Variants in BTBD9 observed in about 807,000 individuals in gnomAD.
BTBD9 encodes the protein BTB/POZ domain-containing protein 9.
BTBD9 carries 49 observed loss-of-function variants against 64.3 expected under a neutral mutation model. The ratio of observed to expected loss-of-function variants is 0.76; its 90% CI spans 0.61 to 0.97. The LOEUF is 0.97. Among genes scored for constraint, BTBD9 ranks in the 50% least tolerant of loss-of-function variants. The pLI, the probability that BTBD9 is intolerant of heterozygous loss-of-function variation, is 0.00. For synonymous variants in BTBD9, 260 were observed against 274.7 expected (o/e 0.95, Z 0.53); for missense variants, 598 against 762.1 (o/e 0.78, Z 2.53).
intron 6 of BTBD9, among the ~76,000 whole-genome samples, chr6:38,511,174 A>C (rs1028316196): frequency 6.6e-6 from 1 of 152,094 alleles, no homozygotes; most frequent in African/African-American, 2.4e-5. Context: ...TATGCAGCAC[A>C]TAATTGTTAC....
rs1378197123 is a variant in BTBD9 at position 38,628,365 on chromosome 6, C to T, written c.-28+11435G>A. ...AATACAGTATTTGGACTACAGGTCC[C>T]CACGCTAACATTTGTTAAAATGCTA... On this transcript the variant is annotated intron_variant, in intron 1 of 10. Transcript: ENST00000481247. Among the ~76,000 whole-genome samples, 5 of 152,288 alleles carry T rather than the reference C, an allele frequency of 3.3e-5. 1 individual carries two copies. In the South Asian group the frequency reaches 6.2e-4, roughly 19 times the overall value.
At chr6:38,351,707 G>A (rs1764522112) in intron 6 of BTBD9, among the ~76,000 whole-genome samples, 1 of 151,858 alleles carries the variant, frequency 6.6e-6, no homozygotes, top group Non-Finnish European at 1.5e-5. Context: ...CACCATGTTA[G>A]CCAGTATGGT....
chr6:38,503,746 T>C (rs868729913), intron 6 of BTBD9, among the ~76,000 whole-genome samples: 2 of 152,152 alleles, frequency 1.3e-5, no homozygotes, highest in Non-Finnish European at 2.9e-5. Context: ...ACGCCAACAA[T>C]AATGCACACT....
intron 10 of BTBD9, among the ~76,000 whole-genome samples, chr6:38,188,154 T>C (rs1299851560): frequency 1.3e-5 from 2 of 152,234 alleles, no homozygotes; most frequent in East Asian, 3.8e-4. Flanking sequence ...GCTGTCCGCC[T>C]TCTCCTATTC....
chr6:38,356,336 C>G (rs1196173664), intron 6 of BTBD9, among the ~76,000 whole-genome samples: 1 of 152,054 alleles, frequency 6.6e-6, no homozygotes, highest in Non-Finnish European at 1.5e-5. Context: ...TTATGAAACT[C>G]TTAGTTTTCA....
intron 9 of BTBD9, among the ~76,000 whole-genome samples, chr6:38,203,778 AAG>A (rs1175324492): frequency 6.7e-6 from 1 of 150,066 alleles, no homozygotes; most frequent in Non-Finnish European, 1.5e-5. Flanking sequence ...GAAATGAAGA[AAG>A]GGGGGTGAAT....
chr6:38,525,349 T>A (rs1052991879), intron 6 of BTBD9, among the ~76,000 whole-genome samples: 1 of 152,192 alleles, frequency 6.6e-6, no homozygotes, highest in Non-Finnish European at 1.5e-5. Flanking sequence ...GCCATGTGGA[T>A]CTATGAGTCA....
intron 9 of BTBD9, among the ~76,000 whole-genome samples, chr6:38,233,113 T>A (rs1347930258): frequency 1.3e-5 from 2 of 152,318 alleles, no homozygotes; most frequent in Non-Finnish European, 2.9e-5. Flanking sequence ...TTAGTTTAAA[T>A]CTCATTTTCT....
At chr6:38,198,764 G>A (rs1396502512) in intron 9 of BTBD9, among the ~76,000 whole-genome samples, 1 of 152,120 alleles carries the variant, frequency 6.6e-6, no homozygotes, top group Non-Finnish European at 1.5e-5. Context: ...CCACTAAAAT[G>A]GCACTAAAGA....
At chr6:38,395,398 G>C (rs1018528709) in intron 6 of BTBD9, among the ~76,000 whole-genome samples, 2 of 152,026 alleles carry the variant, frequency 1.3e-5, no homozygotes, top group East Asian at 3.9e-4. Context: ...GATCATACCA[G>C]CTTGTCTCAA....
At chr6:38,465,695 TAAATAAATAAATTATATATATATATA>T (rs1464572892) in intron 6 of BTBD9, among the ~76,000 whole-genome samples, 2 of 106,142 alleles carry the variant, frequency 1.9e-5, no homozygotes, top group African/African-American at 7.9e-5. Context: ...TCTAAATAAA[TAAATAAATAAATTATATATATATATA>T]TATATATATA....
intron 6 of BTBD9, among the ~76,000 whole-genome samples, chr6:38,454,283 T>C (rs917417007): frequency 1.3e-4 from 20 of 152,196 alleles, no homozygotes; most frequent in South Asian, 1.0e-3. Flanking sequence ...TATATTATTA[T>C]ACACCTTATT....
intron 10 of BTBD9, among the ~76,000 whole-genome samples, chr6:38,191,002 T>C (rs1252329152): frequency 6.6e-6 from 1 of 152,210 alleles, no homozygotes; most frequent in African/African-American, 2.4e-5. Flanking sequence ...AAGCAAGAAC[T>C]GCAAATGAAA....
chr6:38,195,116 T>C (rs1239794484), intron 9 of BTBD9, among the ~76,000 whole-genome samples: 1 of 152,166 alleles, frequency 6.6e-6, no homozygotes, highest in Non-Finnish European at 1.5e-5. Context: ...CCCCATCAGA[T>C]TCCATTTCCC....
At chr6:38,557,783 A>AG (rs5875632) in intron 6 of BTBD9, among the ~76,000 whole-genome samples, 27,353 of 152,134 alleles carry the variant, frequency 0.18, 2,502 homozygotes, top group Middle Eastern at 0.25. Flanking sequence ...CTTACAAATA[A>AG]GGGGGGTAAA....
intron 6 of BTBD9, among the ~76,000 whole-genome samples, chr6:38,576,217 T>G (rs1776025649): frequency 6.6e-6 from 1 of 152,118 alleles, no homozygotes; most frequent in Non-Finnish European, 1.5e-5. Flanking sequence ...AATCTCCTCC[T>G]CTATGTGGGG....
At chr6:38,251,485 G>A (rs1273235929) in intron 9 of BTBD9, among the ~76,000 whole-genome samples, 4 of 151,980 alleles carry the variant, frequency 2.6e-5, no homozygotes, top group East Asian at 3.9e-4. Flanking sequence ...GGTTGGTCTC[G>A]AACTCCTGAC....
intron 1 of BTBD9, among the ~76,000 whole-genome samples, chr6:38,605,050 T>C (rs1373771339): frequency 6.6e-6 from 1 of 150,638 alleles, no homozygotes; most frequent in Non-Finnish European, 1.5e-5. Context: ...CTTTGCTAAT[T>C]CTTTTTTTTT....
intron 8 of BTBD9, among the ~76,000 whole-genome samples, chr6:38,263,778 G>C (rs1764873690): frequency 6.6e-6 from 1 of 152,176 alleles, no homozygotes; most frequent in Non-Finnish European, 1.5e-5. Flanking sequence ...TTCTCCTCTA[G>C]TATTCCGTGA....
Sources: gnomAD v4.1 joint callset for allele counts (sites outside exome capture counted in the v4.1 genomes callset) on GRCh38, gnomAD v4.1.1 for gene constraint, MANE v1.5 for transcripts, NCBI Gene and HGNC (gene_info 2026-07-23, HGNC 2026-07-21) for gene names.